Variants in DLC1 observed in about 807,000 individuals in gnomAD.
The protein encoded by DLC1 is rho GTPase-activating protein 7.
A neutral mutation model predicts 140.3 loss-of-function variants in DLC1; 54 were observed. The observed-to-expected ratio is 0.38, with a 90% CI of 0.31 to 0.48. DLC1 has a LOEUF of 0.48. Ranked by LOEUF, DLC1 falls within the 20% of genes least tolerant of loss-of-function variation. The pLI is 0.96. For synonymous variants in DLC1, 986 were observed against 728.1 expected (o/e 1.35, Z -5.70); for missense variants, 2,536 against 1,907.0 (o/e 1.33, Z -6.14).
intron 2 of DLC1, among the ~76,000 whole-genome samples, chr8:13,408,514 G>A (rs944140332): frequency 6.6e-6 from 1 of 152,314 alleles, no homozygotes; most frequent in Middle Eastern, 3.4e-3. Flanking sequence ...TTCCTGAGTA[G>A]TTTCAAAGGA....
At chr8:13,488,840 A>C (rs189873403) in intron 2 of DLC1, among the ~76,000 whole-genome samples, 1 of 152,368 alleles carries the variant, frequency 6.6e-6, no homozygotes, top group African/African-American at 2.4e-5. Context: ...AAGAAGGCAC[A>C]TATATGCTTA....
intron 5 of DLC1, among the ~76,000 whole-genome samples, chr8:13,233,480 C>T (rs1274828207): frequency 1.3e-5 from 2 of 151,818 alleles, no homozygotes; most frequent in Non-Finnish European, 2.9e-5. Flanking sequence ...TTTTCCCCAA[C>T]AGTTAAATTT....
chr8:13,442,254 G>A (rs1798548060), intron 2 of DLC1, among the ~76,000 whole-genome samples: 1 of 152,148 alleles, frequency 6.6e-6, no homozygotes, highest in Non-Finnish European at 1.5e-5. Context: ...AAAAACCCTA[G>A]AAGAAAACCT....
At chr8:13,154,099 T>C (rs560609781) in intron 5 of DLC1, among the ~76,000 whole-genome samples, 32 of 152,334 alleles carry the variant, frequency 2.1e-4, no homozygotes, top group African/African-American at 6.0e-4. Context: ...AGGGTGGTGA[T>C]TGGTGTGTTT....
At chr8:13,452,019 T>TA (rs1264990323) in intron 2 of DLC1, among the ~76,000 whole-genome samples, 1 of 152,144 alleles carries the variant, frequency 6.6e-6, no homozygotes, top group East Asian at 1.9e-4. Context: ...GCTATTTTTT[T>TA]AAATCAGACT....
chr8:13,601,410 A>T (rs918331952), intron 1 of DLC1, among the ~76,000 whole-genome samples: 2 of 151,814 alleles, frequency 1.3e-5, no homozygotes, highest in Non-Finnish European at 3.0e-5. Context: ...TTCTAAAGAA[A>T]TGCCAGTGTT....
At chr8:13,453,932 T>G (rs181328522) in intron 2 of DLC1, among the ~76,000 whole-genome samples, 3 of 152,222 alleles carry the variant, frequency 2.0e-5, no homozygotes, top group Admixed American at 2.0e-4. Flanking sequence ...CAACTGACAA[T>G]TAAAATGAGA....
At chr8:13,234,053 T>A (rs1829174093) in intron 5 of DLC1, among the ~76,000 whole-genome samples, 1 of 152,170 alleles carries the variant, frequency 6.6e-6, no homozygotes, top group South Asian at 2.1e-4. Context: ...TTGAACTATC[T>A]AGTGTCTTGT....
intron 5 of DLC1, among the ~76,000 whole-genome samples, chr8:13,196,451 T>C (rs1301706879): frequency 6.6e-6 from 1 of 152,120 alleles, no homozygotes; most frequent in Non-Finnish European, 1.5e-5. Context: ...CTATTGCTCA[T>C]TACTGCACAT....
intron 14 of DLC1, 128 bp from the exon 15 acceptor site, chr8:13,090,598 G>C: frequency 9.5e-7 from 1 of 1,048,652 alleles, no homozygotes; most frequent in East Asian, 2.6e-5. Context: ...CTTCCCGCCG[G>C]AGGTGGGCTA....
At chr8:13,532,404 A>T (rs1803128960) in intron 1 of DLC1, among the ~76,000 whole-genome samples, 1 of 152,236 alleles carries the variant, frequency 6.6e-6, no homozygotes, top group African/African-American at 2.4e-5. Flanking sequence ...GAATAAGAAC[A>T]TGAATGGCAA....
At chr8:13,212,884 C>T (rs1310380558) in intron 5 of DLC1, among the ~76,000 whole-genome samples, 1 of 152,176 alleles carries the variant, frequency 6.6e-6, no homozygotes, top group Non-Finnish European at 1.5e-5. Context: ...CTAGCTTAAG[C>T]TTTCACTCTT....
At chr8:13,438,323 T>G (rs1839214158) in intron 2 of DLC1, among the ~76,000 whole-genome samples, 1 of 152,226 alleles carries the variant, frequency 6.6e-6, no homozygotes, top group Non-Finnish European at 1.5e-5. Flanking sequence ...GGACAGGTGC[T>G]TAATCAATAG....
intron 5 of DLC1, among the ~76,000 whole-genome samples, chr8:13,296,682 A>G (rs1266009645): frequency 1.3e-5 from 2 of 152,034 alleles, no homozygotes; most frequent in African/African-American, 4.8e-5. Context: ...ATCACATGGC[A>G]TGCGGGGTGA....
intron 5 of DLC1, among the ~76,000 whole-genome samples, chr8:13,262,898 G>C (rs1830521434): frequency 1.3e-5 from 2 of 152,184 alleles, no homozygotes; most frequent in African/African-American, 2.4e-5. Flanking sequence ...CACTAGTTAT[G>C]AATCTCTCTT....
In DLC1 at chr8:13,154,014, G is replaced by A. The variant is rs181860778; in HGVS notation, c.1349-38357C>T. Among the ~76,000 whole-genome samples the A allele has an allele frequency of 4.1e-3, 629 of 151,920 alleles. 5 individuals are homozygous for A. The highest frequency in any genetic ancestry group is 0.015 in the African/African-American group (603 of 41,438). ...TTATAATCCTTTAGCTAGACACAAAGGTTCTCCAAGTCCCCACCAGATTAG... is the reference window on the plus strand; with the variant it reads ...TTATAATCCTTTAGCTAGACACAAAAGTTCTCCAAGTCCCCACCAGATTAG... On this transcript the variant is annotated intron_variant, in intron 5 of 17. Coordinates refer to ENST00000276297, the MANE Select transcript of DLC1 (RefSeq NM_182643.3).
Position 13,098,140 on chromosome 8 carries a change from G to A in DLC1, c.3167+259C>T, listed in dbSNP as rs142630839. Among the ~76,000 whole-genome samples, 194 of 149,962 alleles carry A rather than the reference G, an allele frequency of 1.3e-3. 1 individual carries two copies. The highest frequency in any genetic ancestry group is 4.4e-3 in the African/African-American group (178 of 40,900). ...CTCTGGAGCCTCAGGTGGGAGAATC[G>A]CTAGAGCCCAGAAGGTCAAGGCTGC... On this transcript the variant is annotated intron_variant, in intron 10 of 17. Transcript: ENST00000276297.
At chr8:13,141,061 C>T (rs762007712) in intron 5 of DLC1, among the ~76,000 whole-genome samples, 2 of 151,634 alleles carry the variant, frequency 1.3e-5, no homozygotes, top group Admixed American at 6.6e-5. Context: ...TCGAGACCAG[C>T]CTGACCAACA....
intron 1 of DLC1, among the ~76,000 whole-genome samples, chr8:13,573,140 G>A (rs759940864): frequency 1.2e-4 from 18 of 151,946 alleles, no homozygotes; most frequent in Middle Eastern, 3.2e-3. Flanking sequence ...AATTTATTTT[G>A]TCAGTGTTTT....
Sources: allele counts gnomAD v4.1 joint callset (sites outside exome capture counted in the v4.1 genomes callset), GRCh38; gene constraint gnomAD v4.1.1; transcripts MANE v1.5; gene names NCBI Gene and HGNC (gene_info 2026-07-23, HGNC 2026-07-21).